Variants in PHACTR4 observed in about 807,000 individuals in gnomAD.
The protein encoded by PHACTR4 is phosphatase and actin regulator 4.
A neutral mutation model predicts 72.7 loss-of-function variants in PHACTR4; 51 were observed. The observed-to-expected ratio is 0.70, with a 90% CI of 0.56 to 0.89. The LOEUF is 0.89. PHACTR4 is among the 40% of genes least tolerant of loss of function. The pLI is 0.00. For synonymous variants in PHACTR4, 255 were observed against 302.5 expected (o/e 0.84, Z 1.63); for missense variants, 731 against 861.8 (o/e 0.85, Z 1.90).
intron 6 of PHACTR4, 29 bp from the exon 7 acceptor site, chr1:28,473,525 A>G (rs564662630): frequency 6.6e-7 from 1 of 1,524,128 alleles, no homozygotes; most frequent in East Asian, 2.3e-5. Context: ...GAAAGTCGTG[A>G]AATTGATGTG....
chr1:28,370,067 C>T (rs1651108242), intron 1 of PHACTR4, among the ~76,000 whole-genome samples: 1 of 151,326 alleles, frequency 6.6e-6, no homozygotes, highest in Admixed American at 6.6e-5. Flanking sequence ...CAGGCTCGCC[C>T]TCTCCGCCCC....
chr1:28,458,992 C>A (rs1465387699), intron 2 of PHACTR4, 93 bp from the exon 3 acceptor site: 3 of 1,187,808 alleles, frequency 2.5e-6, no homozygotes, highest in Non-Finnish European at 3.5e-6. Flanking sequence ...CGATCCTTTC[C>A]AACTACCACA....
intron 2 of PHACTR4, among the ~76,000 whole-genome samples, chr1:28,417,935 T>C (rs193146117): frequency 3.8e-4 from 54 of 141,848 alleles, no homozygotes; most frequent in African/African-American, 1.3e-3. Context: ...CTAGGCAACA[T>C]TGGGAGACCC....
intron 2 of PHACTR4, among the ~76,000 whole-genome samples, chr1:28,424,318 T>C (rs185080895): frequency 6.6e-6 from 1 of 150,690 alleles, no homozygotes; most frequent in Non-Finnish European, 1.5e-5. Flanking sequence ...CAGCCTCCTG[T>C]GTAGCTGGAA....
intron 4 of PHACTR4, among the ~76,000 whole-genome samples, chr1:28,461,534 C>T (rs188668975): frequency 0.011 from 1,641 of 152,160 alleles, 18 homozygotes; most frequent in South Asian, 0.034. Flanking sequence ...TTAAACCATG[C>T]GAATATATTG....
intron 1 of PHACTR4, among the ~76,000 whole-genome samples, chr1:28,407,006 C>T (rs558714290): frequency 4.6e-5 from 7 of 151,910 alleles, no homozygotes; most frequent in Non-Finnish European, 8.8e-5. Context: ...CTAGTAAATT[C>T]AAAATGAGGA....
At chr1:28,369,934 G>A (rs1651091454) in intron 1 of PHACTR4, 109 bp downstream of exon 1, 1 of 364,264 alleles carries the variant, frequency 2.7e-6, no homozygotes, top group South Asian at 2.0e-5. Context: ...TCCCGGTCCG[G>A]GCAGAAGGTA....
chr1:28,456,310 C>T (rs148633260), intron 2 of PHACTR4, among the ~76,000 whole-genome samples: 87 of 152,264 alleles, frequency 5.7e-4, no homozygotes, highest in Non-Finnish European at 1.0e-3. Context: ...TACTTTTAAA[C>T]GACCAGATCT....
chr1:28,443,924 C>T (rs1357944546), intron 2 of PHACTR4, among the ~76,000 whole-genome samples: 1 of 151,940 alleles, frequency 6.6e-6, no homozygotes, highest in Non-Finnish European at 1.5e-5. Flanking sequence ...GATTTCCTTT[C>T]CTTTGGATAT....
At chr1:28,485,529 G>T (rs1262218853) in intron 9 of PHACTR4, among the ~76,000 whole-genome samples, 1 of 150,180 alleles carries the variant, frequency 6.7e-6, no homozygotes. Flanking sequence ...AGAGGTTTCA[G>T]TGAGCCGGGA....
rs374206180 is a variant in PHACTR4, at chr1:28,431,929, G to C, written c.16+24466G>C. On this transcript the variant is annotated intron_variant, in intron 2 of 13. Transcript: ENST00000373839. ...TGGGCTTTTAGGAAAATAATATCTTGGCCGGGCACAGTGGCTCACGCCTGT... is the reference window on the plus strand; with the variant it reads ...TGGGCTTTTAGGAAAATAATATCTTCGCCGGGCACAGTGGCTCACGCCTGT... Among the ~76,000 whole-genome samples the C allele has an allele frequency of 3.0e-4, 45 of 152,266 alleles. No individual in the cohort carries two copies. In the South Asian group the frequency reaches 9.1e-3, roughly 31 times the overall value.
chr1:28,372,587 C>A (rs1651327867), intron 1 of PHACTR4, among the ~76,000 whole-genome samples: 1 of 152,060 alleles, frequency 6.6e-6, no homozygotes, highest in South Asian at 2.1e-4. Flanking sequence ...CGCGGTGGCT[C>A]ACACCTGTAA....
chr1:28,393,342 T>C (rs1362870918), intron 1 of PHACTR4, among the ~76,000 whole-genome samples: 1 of 152,210 alleles, frequency 6.6e-6, no homozygotes, highest in Non-Finnish European at 1.5e-5. Flanking sequence ...ACTAATTTAT[T>C]GGTAAATGCA....
chr1:28,443,843 A>C (rs1395081790), intron 2 of PHACTR4, among the ~76,000 whole-genome samples: 1 of 152,122 alleles, frequency 6.6e-6, no homozygotes, highest in African/African-American at 2.4e-5. Flanking sequence ...ACCTAGGTTG[A>C]TTCCATATCT....
At chr1:28,392,015 T>G (rs916600577) in intron 1 of PHACTR4, among the ~76,000 whole-genome samples, 2 of 152,298 alleles carry the variant, frequency 1.3e-5, no homozygotes, top group East Asian at 3.9e-4. Flanking sequence ...TAGTTTGATT[T>G]AGCCATTCCA....
chr1:28,456,624 A>G (rs906765697), intron 2 of PHACTR4, among the ~76,000 whole-genome samples: 1 of 147,264 alleles, frequency 6.8e-6, no homozygotes, highest in Non-Finnish European at 1.5e-5. Context: ...ACCCTGCCCA[A>G]CTAATTTTTT....
chr1:28,409,951 A>ATTTTTTTTTTT (rs57186471), intron 2 of PHACTR4, among the ~76,000 whole-genome samples: 3 of 66,338 alleles, frequency 4.5e-5, no homozygotes, highest in African/African-American at 6.4e-5. Context: ...TTCTTCATAA[A>ATTTTTTTTTTT]TTTTTTTTTT....
chr1:28,463,207 A>T (rs530226038), intron 4 of PHACTR4, among the ~76,000 whole-genome samples: 2,371 of 151,278 alleles, frequency 0.016, 37 homozygotes, highest in Non-Finnish European at 0.021. Context: ...TTTTTTTTTT[A>T]AAAAAAGGTG....
intron 2 of PHACTR4, among the ~76,000 whole-genome samples, chr1:28,428,538 C>T (rs1656017767): frequency 6.6e-6 from 1 of 152,162 alleles, no homozygotes; most frequent in African/African-American, 2.4e-5. Flanking sequence ...GAGCTGAAAG[C>T]CATCCTGCTG....
Sources: gnomAD v4.1 joint callset for allele counts (sites outside exome capture counted in the v4.1 genomes callset) on GRCh38, gnomAD v4.1.1 for gene constraint, MANE v1.5 for transcripts, NCBI Gene and HGNC (gene_info 2026-07-23, HGNC 2026-07-21) for gene names.